Variants in COL11A1 observed in about 807,000 individuals in gnomAD.
COL11A1 encodes collagen type XI alpha 1 chain, also known as collagen alpha-1(XI) chain.
COL11A1 carries 74 observed loss-of-function variants against 265.2 expected under a neutral mutation model. That is an observed-to-expected ratio of 0.28 (90% CI 0.23 to 0.34). The LOEUF is 0.34. Among genes scored for constraint, COL11A1 ranks in the 10% least tolerant of loss-of-function variants. COL11A1 has a pLI of 1.00. For synonymous variants in COL11A1, 816 were observed against 727.6 expected (o/e 1.12, Z -1.96); for missense variants, 2,165 against 2,263.6 (o/e 0.96, Z 0.88).
intron 1 of COL11A1, among the ~76,000 whole-genome samples, chr1:103,085,921 G>C (rs4908288): frequency 0.55 from 83,157 of 151,528 alleles, 25,633 homozygotes; most frequent in East Asian, 0.98. Context: ...GTTCTTATCC[G>C]TCCTGTGCAG....
chr1:103,062,568 T>A (rs1571188673), intron 4 of COL11A1, among the ~76,000 whole-genome samples: 1 of 151,834 alleles, frequency 6.6e-6, no homozygotes, highest in African/African-American at 2.4e-5. Context: ...AAAGAAAAAA[T>A]AAATAAATTA....
chr1:102,962,712 G>T lies in COL11A1; in HGVS notation c.2965C>A (p.Pro989Thr). 6.2e-7 allele frequency: 1 copy of T among 1,614,114 alleles called. No homozygotes were observed. Residue 989 changes from proline to threonine, a missense_variant, in exon 39 of 67, where the codon CCT becomes ACT. Transcript: ENST00000370096. ...CCTTGCTCACCAGGAGGGCCAGGAG[G>T]GCCAGGATGCCCACGTTCCCCTATT... ...GPIGERGHPG[P>T]PGPPGEQGLP... is the part of the protein sequence containing the mutation.
At chr1:102,918,504 C>T (rs1052460901) in intron 49 of COL11A1, among the ~76,000 whole-genome samples, 9 of 151,752 alleles carry the variant, frequency 5.9e-5, no homozygotes, top group African/African-American at 9.7e-5. Context: ...GGTATACATT[C>T]AGCCAGAATC....
chr1:102,930,378 A>T (rs1657252066), intron 46 of COL11A1, among the ~76,000 whole-genome samples: 1 of 151,614 alleles, frequency 6.6e-6, no homozygotes, highest in Admixed American at 6.6e-5. Context: ...GGCTCTGTTT[A>T]TATGCTGGAT....
rs1006564948 is a variant in COL11A1, at chr1:103,018,863, T to C, written c.1309-4A>G. 2.5e-6 allele frequency: 4 copies of C among 1,611,602 alleles called. No homozygotes were observed. Among genetic ancestry groups the C allele is most frequent in the African/African-American group, 2.7e-5 (2 of 74,852 alleles). ...GTGGTCCTTCGACAAGCATACCCTA[T>C]AACAGGAAAAGAGAACATCTCTACC... is the stretch of plus-strand genomic sequence containing the variant. On this transcript the variant is annotated splice_region_variant and splice_polypyrimidine_tract_variant and intron_variant, in intron 9 of 66. Transcript: ENST00000370096.
At position 103,017,803 on chromosome 1, in the gene COL11A1, C is replaced by T. The variant is rs1321055008; in HGVS notation, c.1413+17G>A. The T allele has an allele frequency of 6.2e-7, 1 of 1,603,778 alleles. No homozygotes were observed. The highest frequency in any genetic ancestry group is 1.3e-5 in the African/African-American group (1 of 74,646). On this transcript the variant is annotated intron_variant, in intron 11 of 66. Coordinates refer to ENST00000370096, the MANE Select transcript of COL11A1 (RefSeq NM_001854.4). Reference sequence around the variant, plus strand: ...ATGACATGCATTTGTAATGAGATATCATGTCCATTCACTTACCCTATCGCC... The same window carrying T: ...ATGACATGCATTTGTAATGAGATATTATGTCCATTCACTTACCCTATCGCC...
intron 54 of COL11A1, among the ~76,000 whole-genome samples, chr1:102,904,758 C>G (rs1260840540): frequency 6.6e-6 from 1 of 151,906 alleles, no homozygotes; most frequent in African/African-American, 2.4e-5. Flanking sequence ...GAAATAGGAA[C>G]ACTTTTACAC....
At chr1:103,055,123 G>T (rs1385381019) in intron 4 of COL11A1, among the ~76,000 whole-genome samples, 1 of 152,124 alleles carries the variant, frequency 6.6e-6, no homozygotes, top group Non-Finnish European at 1.5e-5. Flanking sequence ...TCAAGCCAGG[G>T]CTGTCTGACT....
chr1:102,998,674 A>T (rs1010732011), intron 24 of COL11A1, among the ~76,000 whole-genome samples: 1 of 151,852 alleles, frequency 6.6e-6, no homozygotes, highest in African/African-American at 2.4e-5. Flanking sequence ...AAAGGAAAGC[A>T]ATATAGGCCA....
chr1:103,045,476 T>A (rs955960867), intron 4 of COL11A1, among the ~76,000 whole-genome samples: 5 of 152,118 alleles, frequency 3.3e-5, no homozygotes, highest in African/African-American at 1.2e-4. Context: ...TAGTTGGCAC[T>A]CACTATATAC....
intron 4 of COL11A1, among the ~76,000 whole-genome samples, chr1:103,070,196 A>G (rs527596123): frequency 1.6e-5 from 2 of 125,390 alleles, no homozygotes; most frequent in South Asian, 5.7e-4. Context: ...ATGTGTTAAA[A>G]TCCTACTCAG....
At chr1:102,948,083 A>G (rs1659507107) in intron 41 of COL11A1, among the ~76,000 whole-genome samples, 1 of 152,006 alleles carries the variant, frequency 6.6e-6, no homozygotes, top group Admixed American at 6.6e-5. Context: ...GATATATTAG[A>G]AATCATTTTA....
At chr1:103,018,773 T>C (rs769388910) in intron 10 of COL11A1, 45 bp downstream of exon 10, 2 of 1,426,834 alleles carry the variant, frequency 1.4e-6, no homozygotes, top group Admixed American at 1.7e-5. Flanking sequence ...ATCTTATATA[T>C]GATTACTTTA....
At chr1:102,953,837 T>C (rs1347568279) in intron 41 of COL11A1, among the ~76,000 whole-genome samples, 2 of 152,218 alleles carry the variant, frequency 1.3e-5, no homozygotes, top group Non-Finnish European at 2.9e-5. Flanking sequence ...ACTATTTGTA[T>C]ACTTGTCTCT....
At chr1:103,101,383 A>G (rs1465510972) in intron 1 of COL11A1, among the ~76,000 whole-genome samples, 2 of 152,040 alleles carry the variant, frequency 1.3e-5, no homozygotes, top group African/African-American at 4.8e-5. Flanking sequence ...AGTAAAGGAA[A>G]GACAGACACC....
chr1:103,016,484 C>T (rs1024009315), intron 11 of COL11A1, among the ~76,000 whole-genome samples: 1 of 151,740 alleles, frequency 6.6e-6, no homozygotes, highest in Non-Finnish European at 1.5e-5. Flanking sequence ...GTATGTGACT[C>T]ATAGATATAA....
intron 1 of COL11A1, 145 bp downstream of exon 1, chr1:103,107,928 C>T: frequency 1.4e-6 from 1 of 695,712 alleles, no homozygotes. Flanking sequence ...AACCTGGTAG[C>T]AGCTACAATC....
chr1:103,009,212 G>A (rs1665904295), intron 14 of COL11A1, among the ~76,000 whole-genome samples: 1 of 152,096 alleles, frequency 6.6e-6, no homozygotes, highest in Non-Finnish European at 1.5e-5. Context: ...TCAGGAGTTC[G>A]AGACCAGACT....
chr1:102,993,903 C>T (rs557909572), intron 28 of COL11A1, among the ~76,000 whole-genome samples: 1 of 152,154 alleles, frequency 6.6e-6, no homozygotes, highest in East Asian at 1.9e-4. Context: ...TTTATTGAAT[C>T]CATGGATGCA....
Sources: gnomAD v4.1 joint callset for allele counts (sites outside exome capture counted in the v4.1 genomes callset) on GRCh38, gnomAD v4.1.1 for gene constraint, MANE v1.5 for transcripts, NCBI Gene and HGNC (gene_info 2026-07-23, HGNC 2026-07-21) for gene names.